Variants in PREX2 observed in about 807,000 individuals in gnomAD.
PREX2 encodes phosphatidylinositol-3,4,5-trisphosphate dependent Rac exchange factor 2.
A neutral mutation model predicts 203.2 loss-of-function variants in PREX2; 107 were observed. The ratio of observed to expected loss-of-function variants is 0.53; its 90% CI spans 0.45 to 0.62. PREX2 has a LOEUF of 0.62. Among genes scored for constraint, PREX2 ranks in the 20% least tolerant of loss-of-function variants. The pLI, the probability that PREX2 is intolerant of heterozygous loss-of-function variation, is 0.00. For missense variants in PREX2, 1,777 were observed against 1,955.9 expected, an observed-to-expected ratio of 0.91 and a Z score of 1.72; for synonymous variants, 672 against 663.6, an observed-to-expected ratio of 1.01 and a Z score of -0.19.
At chr8:68,050,890 G>A (rs1808508617) in intron 8 of PREX2, among the ~76,000 whole-genome samples, 1 of 152,154 alleles carries the variant, frequency 6.6e-6, no homozygotes, top group African/African-American at 2.4e-5. Context: ...CAGGAGAGCA[G>A]CAGACAAGAA....
chr8:68,154,802 C>T (rs1024819375), intron 34 of PREX2, among the ~76,000 whole-genome samples: 1 of 152,098 alleles, frequency 6.6e-6, no homozygotes, highest in Non-Finnish European at 1.5e-5. Context: ...TGAATGTGCA[C>T]GGGGCAAAAT....
chr8:68,191,625 T>A (rs1271211212), intron 35 of PREX2, 97 bp from the exon 36 acceptor site: 1 of 853,818 alleles, frequency 1.2e-6, no homozygotes, highest in Non-Finnish European at 1.9e-6. Context: ...GTTTATTCAC[T>A]TGTTTTTAAA....
intron 23 of PREX2, chr8:68,105,071 T>C: frequency 8.1e-7 from 1 of 1,242,142 alleles, no homozygotes; most frequent in Non-Finnish European, 1.1e-6. Context: ...CAGGGCCATT[T>C]GCACAATCAG....
At chr8:68,061,177 A>C (rs1170690712) in intron 11 of PREX2, among the ~76,000 whole-genome samples, 1 of 152,212 alleles carries the variant, frequency 6.6e-6, no homozygotes, top group Non-Finnish European at 1.5e-5. Flanking sequence ...GGAGGAAATA[A>C]CAGCACTCCG....
At chr8:68,117,471 A>T (rs1255755912) in intron 26 of PREX2, among the ~76,000 whole-genome samples, 1 of 152,256 alleles carries the variant, frequency 6.6e-6, no homozygotes, top group African/African-American at 2.4e-5. Context: ...ACTTCTAAGC[A>T]TCCCAACCTG....
chr8:68,178,584 C>T (rs920688105), intron 35 of PREX2, among the ~76,000 whole-genome samples: 16 of 151,864 alleles, frequency 1.1e-4, no homozygotes, highest in Non-Finnish European at 1.8e-4. Context: ...ATGATCATTT[C>T]TTTTGCTGTG....
At chr8:68,160,550 G>T (rs1489491656) in intron 35 of PREX2, among the ~76,000 whole-genome samples, 4 of 152,056 alleles carry the variant, frequency 2.6e-5, no homozygotes, top group African/African-American at 9.7e-5. Flanking sequence ...CTTCCTGTAT[G>T]AATGTAATAT....
At chr8:68,031,727 C>T (rs949336315) in intron 6 of PREX2, among the ~76,000 whole-genome samples, 2 of 152,104 alleles carry the variant, frequency 1.3e-5, no homozygotes, top group Admixed American at 6.6e-5. Flanking sequence ...CTCTTTCAGG[C>T]GGCTAAAATG....
chr8:68,149,687 C>T (rs926869040), intron 34 of PREX2, among the ~76,000 whole-genome samples: 2 of 152,202 alleles, frequency 1.3e-5, no homozygotes, highest in African/African-American at 4.8e-5. Flanking sequence ...CTTAGCTGCA[C>T]ATTAATGATC....
At chr8:68,208,664 G>A (rs1007943878) in intron 37 of PREX2, among the ~76,000 whole-genome samples, 2 of 152,052 alleles carry the variant, frequency 1.3e-5, no homozygotes, top group East Asian at 1.9e-4. Context: ...ACATTCTTCC[G>A]ACATGTAGAA....
At chr8:67,992,066 G>A (rs1240292255) in intron 1 of PREX2, among the ~76,000 whole-genome samples, 1 of 152,136 alleles carries the variant, frequency 6.6e-6, no homozygotes, top group Non-Finnish European at 1.5e-5. Context: ...AAGAGGGAGC[G>A]TGTAGATTCC....
At chr8:68,177,566 TAAAGA>T (rs1157919926) in intron 35 of PREX2, among the ~76,000 whole-genome samples, 1 of 152,214 alleles carries the variant, frequency 6.6e-6, no homozygotes, top group African/African-American at 2.4e-5. Context: ...CCCTGTCTCT[TAAAGA>T]AGTTGTAAAT....
intron 38 of PREX2, among the ~76,000 whole-genome samples, chr8:68,218,772 A>G (rs551743411): frequency 6.6e-6 from 1 of 152,196 alleles, no homozygotes; most frequent in Non-Finnish European, 1.5e-5. Flanking sequence ...AGGCACAGAG[A>G]GAGCATATAC....
intron 8 of PREX2, 125 bp from the exon 9 acceptor site, chr8:68,052,971 TA>T (rs1442307940): frequency 1.3e-6 from 1 of 756,380 alleles, no homozygotes; most frequent in Non-Finnish European, 2.1e-6. Flanking sequence ...TCAATATACA[TA>T]TGTAAAGCAA....
intron 23 of PREX2, among the ~76,000 whole-genome samples, chr8:68,102,540 G>A (rs1563546512): frequency 6.6e-6 from 1 of 152,174 alleles, no homozygotes; most frequent in Admixed American, 6.5e-5. Context: ...TCAAATGCAT[G>A]TCAACAGAAC....
chr8:68,114,217 T>A, intron 25 of PREX2: 1 of 441,188 alleles, frequency 2.3e-6, no homozygotes, highest in Non-Finnish European at 4.7e-6. Flanking sequence ...GTGCATGGTA[T>A]AATAAATGTG....
At chr8:68,204,208 G>T (rs1812564245) in intron 37 of PREX2, among the ~76,000 whole-genome samples, 1 of 152,106 alleles carries the variant, frequency 6.6e-6, no homozygotes, top group African/African-American at 2.4e-5. Flanking sequence ...TTCTCCAAGT[G>T]CCTAAATGCT....
chr8:67,974,413 A>C (rs62522409), intron 1 of PREX2, among the ~76,000 whole-genome samples: 55,596 of 151,716 alleles, frequency 0.37, 10,417 homozygotes, highest in East Asian at 0.6. Context: ...GTGAAAATTG[A>C]TGAACATTCT....
rs989432041 is a variant in PREX2, at chr8:68,210,584, C to A, written c.4605-7032C>A. 5.9e-5 allele frequency among the ~76,000 whole-genome samples: 9 copies of A among 152,306 alleles called. No homozygotes were observed. The East Asian group carries it at 1.7e-3, about 29-fold the overall frequency. ...CATTTCATTGTGAGTTACTGAATCA[C>A]CCTTGTGGCCCAAAAGGGGTGTTAC... On this transcript the variant is annotated intron_variant, in intron 37 of 39. Transcript: ENST00000288368.
Sources: allele counts gnomAD v4.1 joint callset (sites outside exome capture counted in the v4.1 genomes callset), GRCh38; gene constraint gnomAD v4.1.1; transcripts MANE v1.5; gene names NCBI Gene and HGNC (gene_info 2026-07-23, HGNC 2026-07-21).